MARCHF1: variants seen among roughly 807,000 people sequenced by gnomAD.
MARCHF1 encodes E3 ubiquitin-protein ligase MARCHF1.
A neutral mutation model predicts 54.2 loss-of-function variants in MARCHF1; 40 were observed. The ratio of observed to expected loss-of-function variants is 0.74; its 90% CI spans 0.57 to 0.96. The LOEUF (loss-of-function observed/expected upper bound fraction) is 0.96. Among genes scored for constraint, MARCHF1 ranks in the 40% least tolerant of loss-of-function variants. MARCHF1 has a pLI of 0.00. For synonymous variants in MARCHF1, 236 were observed against 236.3 expected, an observed-to-expected ratio of 1.00 and a Z score of 0.01; for missense variants, 586 against 656.5, an observed-to-expected ratio of 0.89 and a Z score of 1.17.
chr4:164,300,438 A>G (rs537039814), intron 1 of MARCHF1, among the ~76,000 whole-genome samples: 1 of 152,242 alleles, frequency 6.6e-6, no homozygotes, highest in Admixed American at 6.5e-5. Flanking sequence ...ACTGAACACT[A>G]AATCTCCCCT....
chr4:164,375,322 T>G (rs1731154973), intron 1 of MARCHF1, among the ~76,000 whole-genome samples: 1 of 152,148 alleles, frequency 6.6e-6, no homozygotes, highest in Non-Finnish European at 1.5e-5. Context: ...AATTAATAGA[T>G]AACTAGCAAA....
intron 5 of MARCHF1, among the ~76,000 whole-genome samples, chr4:163,671,250 T>C (rs943252902): frequency 2.0e-5 from 3 of 152,234 alleles, no homozygotes; most frequent in African/African-American, 4.8e-5. Context: ...CATTTCTCTG[T>C]AAATCTGCCT....
At chr4:163,955,494 T>A (rs558534756) in intron 3 of MARCHF1, among the ~76,000 whole-genome samples, 1 of 151,978 alleles carries the variant, frequency 6.6e-6, no homozygotes, top group South Asian at 2.1e-4. Context: ...CTCTCACAAC[T>A]CATACACTCA....
intron 1 of MARCHF1, among the ~76,000 whole-genome samples, chr4:164,128,669 A>T (rs1250446736): frequency 6.6e-6 from 1 of 152,196 alleles, no homozygotes; most frequent in Admixed American, 6.5e-5. Context: ...ATACACATAT[A>T]TTGCTGGTGA....
intron 1 of MARCHF1, among the ~76,000 whole-genome samples, chr4:164,122,161 C>T (rs1202799561): frequency 6.6e-6 from 1 of 151,822 alleles, no homozygotes; most frequent in Non-Finnish European, 1.5e-5. Context: ...TAATAAGAAC[C>T]CTAAAAAAAC....
intron 3 of MARCHF1, among the ~76,000 whole-genome samples, chr4:163,884,780 A>G (rs1750492635): frequency 6.6e-6 from 1 of 152,192 alleles, no homozygotes; most frequent in Non-Finnish European, 1.5e-5. Context: ...GCCAGAGAAT[A>G]TATGTGGCAT....
chr4:164,116,838 G>A (rs1302101222), intron 1 of MARCHF1, among the ~76,000 whole-genome samples: 1 of 152,030 alleles, frequency 6.6e-6, no homozygotes, highest in Admixed American at 6.6e-5. Flanking sequence ...TAACATTGAT[G>A]CTAACTTATC....
chr4:163,737,153 CTTTTTTCTTTCTTTTTTT>C (rs1561049661), intron 4 of MARCHF1, among the ~76,000 whole-genome samples: 1 of 79,238 alleles, frequency 1.3e-5, no homozygotes, highest in African/African-American at 4.8e-5. Flanking sequence ...GCGCTCGCAG[CTTTTTTCTTTCTTTTTTT>C]TTTTTTTTTT....
chr4:163,578,480 G>A (rs1167045795), intron 8 of MARCHF1, among the ~76,000 whole-genome samples: 1 of 152,112 alleles, frequency 6.6e-6, no homozygotes, highest in Non-Finnish European at 1.5e-5. Flanking sequence ...CTTTGTGACA[G>A]CCTGTATCAA....
intron 1 of MARCHF1, among the ~76,000 whole-genome samples, chr4:164,230,962 C>T (rs998639410): frequency 3.3e-5 from 5 of 152,076 alleles, no homozygotes; most frequent in Non-Finnish European, 7.4e-5. Flanking sequence ...CCTAGAAATT[C>T]TGGGAACAAT....
intron 2 of MARCHF1, among the ~76,000 whole-genome samples, chr4:164,021,928 C>G (rs1041098776): frequency 6.6e-6 from 1 of 151,290 alleles, no homozygotes; most frequent in South Asian, 2.1e-4. Flanking sequence ...AAATACACAT[C>G]CAGGTTAATT....
At chr4:163,942,710 T>G (rs907572756) in intron 3 of MARCHF1, among the ~76,000 whole-genome samples, 3 of 152,194 alleles carry the variant, frequency 2.0e-5, no homozygotes, top group African/African-American at 7.2e-5. Context: ...CCCTATTTAT[T>G]CCTCCCCATA....
At chr4:163,560,736 A>G (rs180896180) in intron 8 of MARCHF1, among the ~76,000 whole-genome samples, 110 of 152,224 alleles carry the variant, frequency 7.2e-4, no homozygotes, top group Middle Eastern at 3.4e-3. Context: ...GGTCTTGTGT[A>G]TTTTTTGTCA....
intron 3 of MARCHF1, among the ~76,000 whole-genome samples, chr4:163,934,576 T>TAAAAAAAAAAAAAAAAAAAAA (rs551026107): frequency 1.3e-5 from 1 of 77,878 alleles, no homozygotes; most frequent in Non-Finnish European, 2.4e-5. Flanking sequence ...TCTTTTTAAG[T>TAAAAAAAAAAAAAAAAAAAAA]AAAAAAAAAA....
chr4:163,883,136 A>G (rs1172301294), intron 3 of MARCHF1, among the ~76,000 whole-genome samples: 1 of 152,096 alleles, frequency 6.6e-6, no homozygotes, highest in African/African-American at 2.4e-5. Context: ...TCCCTTTGTT[A>G]ACATTTGTTC....
chr4:163,616,864 C>G (rs1741531391), intron 5 of MARCHF1, among the ~76,000 whole-genome samples: 1 of 151,978 alleles, frequency 6.6e-6, no homozygotes, highest in Non-Finnish European at 1.5e-5. Context: ...TCTCTAAAAT[C>G]TAAAAATATT....
intron 7 of MARCHF1, among the ~76,000 whole-genome samples, chr4:163,596,778 AAAATAGCAGTAAAATTACAAACATAC>A (rs1417006698): frequency 6.6e-6 from 1 of 152,158 alleles, no homozygotes. Flanking sequence ...GGTATTTTTC[AAAATAGCAGTAAAATTACAAACATAC>A]AATTTGTTAG....
intron 3 of MARCHF1, 74 bp from the exon 4 acceptor site, chr4:163,854,243 T>TG (rs1178794670): frequency 7.0e-6 from 8 of 1,150,294 alleles, no homozygotes; most frequent in Non-Finnish European, 9.4e-6. Context: ...ATAATCAAAA[T>TG]TAAATCAACA....
chr4:164,131,760 C>T (rs1756305685), intron 1 of MARCHF1, among the ~76,000 whole-genome samples: 1 of 151,950 alleles, frequency 6.6e-6, no homozygotes, highest in Non-Finnish European at 1.5e-5. Flanking sequence ...GAAACAGCCA[C>T]CATATTAATT....
Sources: allele counts gnomAD v4.1 joint callset (sites outside exome capture counted in the v4.1 genomes callset), GRCh38; gene constraint gnomAD v4.1.1; transcripts MANE v1.5; gene names NCBI Gene and HGNC (gene_info 2026-07-23, HGNC 2026-07-21).